Variants in PRLR observed in about 807,000 individuals in gnomAD.
PRLR encodes the protein hPRL receptor.
A neutral mutation model predicts 40.2 loss-of-function variants in PRLR; 13 were observed. The observed-to-expected ratio is 0.32, with a 90% CI of 0.21 to 0.51. The LOEUF (loss-of-function observed/expected upper bound fraction) is 0.51, where lower values mean the gene tolerates loss of function less well. Among genes scored for constraint, PRLR ranks in the 20% least tolerant of loss-of-function variants. The pLI is 0.97. For synonymous variants in PRLR, 269 were observed against 278.7 expected, an observed-to-expected ratio of 0.97 and a Z score of 0.35; for missense variants, 656 against 747.3, an observed-to-expected ratio of 0.88 and a Z score of 1.42.
chr5:35,139,063 C>T (rs1193454861), intron 1 of PRLR, among the ~76,000 whole-genome samples: 1 of 152,090 alleles, frequency 6.6e-6, no homozygotes, highest in Non-Finnish European at 1.5e-5. Context: ...ATTTTCCATG[C>T]AGTTAAAAGG....
intron 1 of PRLR, among the ~76,000 whole-genome samples, chr5:35,155,692 G>A (rs1021768385): frequency 2.0e-4 from 31 of 152,132 alleles, no homozygotes; most frequent in African/African-American, 7.0e-4. Flanking sequence ...AGGAGTTACC[G>A]GAGATTCCAA....
rs747315578 is a variant in PRLR at position 35,072,552 on chromosome 5, C to T, written c.543+23G>A. ...TCCTTGCCAAAGGCCATAGTTCCTT[C>T]AAAAAGCATATGGATCACTCACCTC... On this transcript the variant is annotated intron_variant, in intron 6 of 9. Coordinates refer to ENST00000618457, the MANE Select transcript of PRLR (RefSeq NM_000949.7). 2.5e-6 allele frequency: 4 copies of T among 1,605,734 alleles called. No homozygotes were observed. The South Asian group carries it at 4.5e-5, about 18-fold the overall frequency.
chr5:35,198,279 C>T (rs1438755966), intron 1 of PRLR, among the ~76,000 whole-genome samples: 1 of 152,238 alleles, frequency 6.6e-6, no homozygotes, highest in African/African-American at 2.4e-5. Context: ...TGAGCCCCAG[C>T]AGAGTATCGC....
chr5:35,067,284 A>G (rs994105456), intron 9 of PRLR, among the ~76,000 whole-genome samples: 10 of 152,232 alleles, frequency 6.6e-5, no homozygotes, highest in Admixed American at 1.3e-4. Context: ...AGACAAAAGT[A>G]GCTATTTTAT....
chr5:35,169,058 C>T (rs917945464), intron 1 of PRLR, among the ~76,000 whole-genome samples: 5 of 152,074 alleles, frequency 3.3e-5, no homozygotes, highest in African/African-American at 9.7e-5. Context: ...GATGATTGGC[C>T]GTTTTCCCGC....
intron 1 of PRLR, among the ~76,000 whole-genome samples, chr5:35,163,186 C>T (rs187553995): frequency 6.6e-6 from 1 of 152,098 alleles, no homozygotes; most frequent in East Asian, 1.9e-4. Flanking sequence ...TTGGAGAGGG[C>T]CCCTGTTTCT....
chr5:35,171,728 G>A (rs1775002332), intron 1 of PRLR, among the ~76,000 whole-genome samples: 2 of 152,092 alleles, frequency 1.3e-5, no homozygotes, highest in Non-Finnish European at 1.5e-5. Context: ...TGGGATGATG[G>A]GGTATGCCTG....
intron 1 of PRLR, among the ~76,000 whole-genome samples, chr5:35,199,025 C>T (rs1287380174): frequency 6.6e-6 from 1 of 152,204 alleles, no homozygotes; most frequent in African/African-American, 2.4e-5. Context: ...CCGGATCCGG[C>T]TGCTGAGAAA....
intron 8 of PRLR, among the ~76,000 whole-genome samples, chr5:35,050,621 A>G (rs540438968): frequency 6.6e-6 from 1 of 152,188 alleles, no homozygotes; most frequent in Non-Finnish European, 1.5e-5. Context: ...TTCTGTTGTC[A>G]TGTTAGTAAT....
At position 35,065,593 on chromosome 5, in the gene PRLR, A is replaced by T; in HGVS notation, c.1365T>A (p.Gly455=). 6.2e-7 allele frequency: 1 copy of T among 1,614,030 alleles called. No homozygotes were observed. The highest frequency in any genetic ancestry group is 8.5e-7 in the Non-Finnish European group (1 of 1,180,026). The change falls in exon 10 of 10, where the codon GGT becomes GGA. Residue 455 remains glycine, a synonymous_variant. Transcript: ENST00000618457. ...TTTGAGAGGATTTTAAAGCATCTTTACCTGCTTCATTCAACAGAGTGGCCG... is the reference window on the plus strand; with the variant it reads ...TTTGAGAGGATTTTAAAGCATCTTTTCCTGCTTCATTCAACAGAGTGGCCG... ...GAPATLLNEA[G]KDALKSSQTI... is the part of the protein sequence containing the mutation.
Position 35,108,328 on chromosome 5 carries a change from C to G in PRLR, c.-44+9733G>C, listed in dbSNP as rs1772412335. ...AAAACTGGCACAAGACAGGGATGCC[C>G]TCTCTCACCACTCCTATTCAACATA... On this transcript the variant is annotated intron_variant, in intron 2 of 9. Coordinates refer to ENST00000618457, the MANE Select transcript of PRLR (RefSeq NM_000949.7). 1.3e-5 allele frequency among the ~76,000 whole-genome samples: 2 copies of G among 152,140 alleles called. 1 individual carries two copies. The highest frequency in any genetic ancestry group is 4.8e-5 in the African/African-American group (2 of 41,424).
At chr5:35,227,547 A>G (rs1776582858) in intron 1 of PRLR, among the ~76,000 whole-genome samples, 1 of 152,198 alleles carries the variant, frequency 6.6e-6, no homozygotes, top group Non-Finnish European at 1.5e-5. Flanking sequence ...AGGCTCAGTA[A>G]ATAGTAGGCA....
intron 1 of PRLR, among the ~76,000 whole-genome samples, chr5:35,157,287 T>C (rs903673543): frequency 3.3e-5 from 5 of 152,146 alleles, no homozygotes; most frequent in Non-Finnish European, 5.9e-5. Context: ...GCAAACTCAC[T>C]GGTGGTCCAA....
chr5:35,216,065 A>G (rs1776281432), intron 1 of PRLR, among the ~76,000 whole-genome samples: 1 of 151,948 alleles, frequency 6.6e-6, no homozygotes, highest in Admixed American at 6.6e-5. Context: ...AAAAGAAAAA[A>G]AAAAGAAATA....
In PRLR at chr5:35,128,308, A is replaced by G. The variant is rs569175924; in HGVS notation, c.-105-10186T>C. 3.3e-5 allele frequency among the ~76,000 whole-genome samples: 5 copies of G among 150,148 alleles called. No individual in the cohort carries two copies. In the East Asian group the frequency reaches 6.3e-4, roughly 19 times the overall value. On this transcript the variant is annotated intron_variant, in intron 1 of 9. Coordinates refer to ENST00000618457, the MANE Select transcript of PRLR (RefSeq NM_000949.7). The stretch of plus-strand genomic sequence containing the variant: ...ACTTGCGCATCTGTGGATCTAATGA[A>G]TACTAGAATACCAGATCCACAGATG...
intron 1 of PRLR, among the ~76,000 whole-genome samples, chr5:35,154,200 C>T (rs1561337159): frequency 6.6e-6 from 1 of 152,002 alleles, no homozygotes; most frequent in Non-Finnish European, 1.5e-5. Flanking sequence ...AGCTCAAAGA[C>T]CTCTGAGAAG....
At chr5:35,049,650 T>C (rs1768412732) in intron 8 of PRLR, among the ~76,000 whole-genome samples, 1 of 152,222 alleles carries the variant, frequency 6.6e-6, no homozygotes, top group South Asian at 2.1e-4. Flanking sequence ...TGTCTATCTG[T>C]GTATACACAT....
At chr5:35,193,440 C>T (rs1050881522) in intron 1 of PRLR, among the ~76,000 whole-genome samples, 2 of 152,188 alleles carry the variant, frequency 1.3e-5, no homozygotes, top group African/African-American at 4.8e-5. Flanking sequence ...GTCTTCATTT[C>T]ATCCAGAGAA....
At chr5:35,155,950 C>A (rs904675165) in intron 1 of PRLR, among the ~76,000 whole-genome samples, 2 of 152,144 alleles carry the variant, frequency 1.3e-5, no homozygotes, top group Non-Finnish European at 2.9e-5. Context: ...TTTGCATGGG[C>A]AGAACAATAC....
Sources: gnomAD v4.1 joint callset for allele counts (sites outside exome capture counted in the v4.1 genomes callset) on GRCh38, gnomAD v4.1.1 for gene constraint, MANE v1.5 for transcripts, NCBI Gene and HGNC (gene_info 2026-07-23, HGNC 2026-07-21) for gene names.